Variants in PLPPR1 observed in about 807,000 individuals in gnomAD.
PLPPR1 encodes the protein phospholipid phosphatase related 1, also known as phospholipid phosphatase-related protein type 1.
A neutral mutation model predicts 33.1 loss-of-function variants in PLPPR1; 10 were observed. The ratio of observed to expected loss-of-function variants is 0.30; its 90% CI spans 0.19 to 0.51. The LOEUF is 0.51. Among genes scored for constraint, PLPPR1 ranks in the 20% least tolerant of loss-of-function variants. The pLI is 0.97. For synonymous variants in PLPPR1, 151 were observed against 151.0 expected (o/e 1.00, Z 0.00); for missense variants, 304 against 408.1 (o/e 0.74, Z 2.20).
chr9:101,207,463 AATT>A lies in PLPPR1; in HGVS notation c.63+21907_63+21909del, dbSNP rs557418490. Among the ~76,000 whole-genome samples, 43 of 152,282 alleles carry A rather than the reference AATT, an allele frequency of 2.8e-4. 1 individual carries two copies. Among genetic ancestry groups the A allele is most frequent in the Admixed American group, 2.6e-3 (40 of 15,296 alleles). ...GATTGGCAGTCTTCATGCTCTGAAC[AATT>A]GGGTATTCTTTTTTCTTAGAGCCCA... On this transcript the variant is annotated intron_variant, in intron 2 of 7. Coordinates refer to ENST00000374874, the MANE Select transcript of PLPPR1 (RefSeq NM_207299.2).
chr9:101,192,583 G>C lies in PLPPR1; in HGVS notation c.63+7026G>C, dbSNP rs764636362. ...GAATGTGCTTGCCAAGAGGTAGGTG[G>C]TTATAAATGTTAACATGAAAATAAT... On this transcript the variant is annotated intron_variant, in intron 2 of 7. Transcript: ENST00000374874. Among the ~76,000 whole-genome samples, 4 of 152,036 alleles carry C rather than the reference G, an allele frequency of 2.6e-5. No homozygotes were observed. In the South Asian group the frequency reaches 8.3e-4, roughly 32 times the overall value.
At chr9:101,323,385 C>T (rs1829191193) in intron 7 of PLPPR1, among the ~76,000 whole-genome samples, 1 of 149,416 alleles carries the variant, frequency 6.7e-6, no homozygotes, top group Admixed American at 6.7e-5. Context: ...GTCCTACCTA[C>T]TCGGGAAGCT....
rs755658742 is a variant in PLPPR1 at position 101,324,523 on chromosome 9, T to C, written c.*466T>C. The C allele has an allele frequency of 6.5e-6, 1 of 152,972 alleles. No homozygotes were observed. The highest frequency in any genetic ancestry group is 6.5e-5 in the Admixed American group (1 of 15,308). 9.5% of individuals were successfully genotyped at this position (152,972 alleles called of 1,614,324 possible). On this transcript the variant is annotated 3_prime_UTR_variant, in exon 8 of 8. Transcript: ENST00000374874. ...GGTTAATAATAAATCTCAAAGTCAA[T>C]TGTAGAAAAAAAATTGTCTTCAAAA...
chr9:101,134,089 T>A (rs1831348962), intron 1 of PLPPR1, among the ~76,000 whole-genome samples: 1 of 152,216 alleles, frequency 6.6e-6, no homozygotes, highest in Non-Finnish European at 1.5e-5. Context: ...ATTGTTAGCC[T>A]AACTAAACTC....
intron 1 of PLPPR1, among the ~76,000 whole-genome samples, chr9:101,183,691 T>G (rs1038948234): frequency 3.3e-5 from 5 of 150,142 alleles, no homozygotes; most frequent in African/African-American, 7.3e-5. Context: ...TCCCGTCTCT[T>G]TGTGTGTGTG....
At chr9:101,220,659 G>A (rs913416494) in intron 2 of PLPPR1, among the ~76,000 whole-genome samples, 1 of 152,130 alleles carries the variant, frequency 6.6e-6, no homozygotes, top group Non-Finnish European at 1.5e-5. Context: ...ATGTCATACA[G>A]CTTCATATTA....
At chr9:101,255,102 T>G (rs1827776090) in intron 2 of PLPPR1, among the ~76,000 whole-genome samples, 1 of 152,206 alleles carries the variant, frequency 6.6e-6, no homozygotes, top group Non-Finnish European at 1.5e-5. Flanking sequence ...ATTGTTTTGA[T>G]TTGCATTTCT....
At chr9:101,272,160 C>T (rs189056561) in intron 3 of PLPPR1, among the ~76,000 whole-genome samples, 306 of 152,126 alleles carry the variant, frequency 2.0e-3, no homozygotes, top group African/African-American at 6.8e-3. Flanking sequence ...CTAGTGATGC[C>T]TTATATCAAA....
At chr9:101,235,267 G>T (rs1432579451) in intron 2 of PLPPR1, among the ~76,000 whole-genome samples, 1 of 151,736 alleles carries the variant, frequency 6.6e-6, no homozygotes, top group Non-Finnish European at 1.5e-5. Context: ...AAGGGGAGAG[G>T]GAAGAACAGA....
intron 2 of PLPPR1, among the ~76,000 whole-genome samples, chr9:101,222,469 C>T (rs1385324675): frequency 1.3e-5 from 2 of 152,114 alleles, no homozygotes; most frequent in African/African-American, 4.8e-5. Flanking sequence ...GAGGTGGGAC[C>T]AGGAGGCAAC....
intron 1 of PLPPR1, chr9:101,125,982 T>G: frequency 4.1e-6 from 1 of 246,144 alleles, no homozygotes; most frequent in Non-Finnish European, 7.7e-6. Context: ...AACTGAAGCT[T>G]CAAGATGGCT....
chr9:101,225,612 A>G (rs1827047703), intron 2 of PLPPR1, among the ~76,000 whole-genome samples: 1 of 152,126 alleles, frequency 6.6e-6, no homozygotes. Flanking sequence ...ATGAACAAAG[A>G]AAGAAGGACC....
chr9:101,324,171 G>C lies in PLPPR1; in HGVS notation c.*114G>C. 1 of 836,524 alleles carries C rather than the reference G, an allele frequency of 1.2e-6. No individual in the cohort carries two copies. The highest frequency in any genetic ancestry group is 1.9e-6 in the Non-Finnish European group (1 of 527,424). 51.8% of individuals were successfully genotyped at this position (836,524 alleles called of 1,614,324 possible). A position where few individuals can be genotyped will look rare whatever the true frequency, so the allele number is the denominator to read the frequency against. On this transcript the variant is annotated 3_prime_UTR_variant, in exon 8 of 8. Transcript: ENST00000374874. ...GACAAATATTACGTTTATCTAGTTA[G>C]AAGCTAATGTTTTGTACATTTTTTG...
At chr9:101,289,379 G>A (rs940496920) in intron 4 of PLPPR1, among the ~76,000 whole-genome samples, 1 of 152,174 alleles carries the variant, frequency 6.6e-6, no homozygotes, top group African/African-American at 2.4e-5. Flanking sequence ...ATCGCTTGGA[G>A]AACAGAAGTT....
At chr9:101,268,802 A>G (rs966741469) in intron 2 of PLPPR1, among the ~76,000 whole-genome samples, 7 of 152,208 alleles carry the variant, frequency 4.6e-5, no homozygotes, top group African/African-American at 1.7e-4. Context: ...CATAACTTTG[A>G]TACCTTTAAA....
Position 101,309,395 on chromosome 9 carries a change from A to G in PLPPR1, c.570A>G (p.Glu190=). 1 of 1,614,058 alleles carries G rather than the reference A, an allele frequency of 6.2e-7. No homozygotes were observed. The highest frequency in any genetic ancestry group is 8.5e-7 in the Non-Finnish European group (1 of 1,179,994). Residue 190 remains glutamate, a synonymous_variant, in exon 5 of 8, where the codon GAA becomes GAG. Coordinates refer to ENST00000374874, the MANE Select transcript of PLPPR1 (RefSeq NM_207299.2). ...GTACTGGGGACCTGGAAGTGATAGAAAAGGCTCGGAGATCCTTTCCCTCCA... is the reference window on the plus strand; with the variant it reads ...GTACTGGGGACCTGGAAGTGATAGAGAAGGCTCGGAGATCCTTTCCCTCCA... ...NICTGDLEVI[E]KARRSFPSKH...
chr9:101,241,827 AAATC>A (rs940649063), intron 2 of PLPPR1, among the ~76,000 whole-genome samples: 1 of 152,102 alleles, frequency 6.6e-6, no homozygotes, highest in African/African-American at 2.4e-5. Flanking sequence ...TATCGTTACC[AAATC>A]AATCAATCAA....
chr9:101,234,933 T>G (rs956680808), intron 2 of PLPPR1, among the ~76,000 whole-genome samples: 3 of 151,938 alleles, frequency 2.0e-5, no homozygotes, highest in African/African-American at 7.2e-5. Context: ...GTCTCAGGAT[T>G]CTAATTTCTA....
At chr9:101,227,283 GT>G (rs1827090837) in intron 2 of PLPPR1, among the ~76,000 whole-genome samples, 1 of 152,012 alleles carries the variant, frequency 6.6e-6, no homozygotes, top group African/African-American at 2.4e-5. Flanking sequence ...ATGTAAAAGT[GT>G]TCCTTTTTCT....
Sources: allele counts gnomAD v4.1 joint callset (sites outside exome capture counted in the v4.1 genomes callset), GRCh38; gene constraint gnomAD v4.1.1; transcripts MANE v1.5; gene names NCBI Gene and HGNC (gene_info 2026-07-23, HGNC 2026-07-21).